Variants in STK33 observed in about 807,000 individuals in gnomAD.
STK33 encodes serine/threonine-protein kinase 33.
A neutral mutation model predicts 58.0 loss-of-function variants in STK33; 52 were observed. The ratio of observed to expected loss-of-function variants is 0.90; its 90% CI spans 0.72 to 1.13. The LOEUF is 1.13. Ranked by LOEUF, STK33 falls within the 50% of genes most tolerant of loss-of-function variation. The pLI is 0.00. For missense variants in STK33, 630 were observed against 604.2 expected, an observed-to-expected ratio of 1.04 and a Z score of -0.45; for synonymous variants, 215 against 200.1, an observed-to-expected ratio of 1.07 and a Z score of -0.63.
chr11:8,526,631 G>A (rs977352472), intron 1 of STK33, among the ~76,000 whole-genome samples: 5 of 151,978 alleles, frequency 3.3e-5, no homozygotes, highest in Admixed American at 6.6e-5. Flanking sequence ...ACAGCTGGAT[G>A]AATACGATGG....
intron 1 of STK33, among the ~76,000 whole-genome samples, chr11:8,518,258 G>C (rs1407449683): frequency 6.6e-6 from 1 of 152,060 alleles, no homozygotes; most frequent in African/African-American, 2.4e-5. Flanking sequence ...ATAAGTGAAG[G>C]AGAAATAAAA....
the STK33 span, among the ~76,000 whole-genome samples, chr11:8,372,280 G>A: frequency 7.3e-6 from 1 of 137,674 alleles, no homozygotes; most frequent in Non-Finnish European, 1.7e-5. Context: ...CACCAATCGG[G>A]CCCTTGTAAG....
intron 1 of STK33, among the ~76,000 whole-genome samples, chr11:8,499,622 G>A (rs1193002294): frequency 2.6e-5 from 4 of 152,128 alleles, no homozygotes; most frequent in Admixed American, 6.5e-5. Context: ...ACATGCACAC[G>A]TAGGTTTATT....
the STK33 span, among the ~76,000 whole-genome samples, chr11:8,335,123 G>T: frequency 6.6e-6 from 1 of 152,230 alleles, no homozygotes; most frequent in East Asian, 1.9e-4. Flanking sequence ...GGCCTTTGGG[G>T]TGGAGACCGC....
At chr11:8,414,570 C>T (rs150783010) in intron 14 of STK33, among the ~76,000 whole-genome samples, 31 of 152,232 alleles carry the variant, frequency 2.0e-4, no homozygotes, top group African/African-American at 7.0e-4. Flanking sequence ...AACTATAAGA[C>T]AGGGTACTTT....
At chr11:8,355,560 C>A in the STK33 span, among the ~76,000 whole-genome samples, 2 of 152,160 alleles carry the variant, frequency 1.3e-5, no homozygotes, top group Non-Finnish European at 2.9e-5. Flanking sequence ...GTGTTCCTTC[C>A]TCTCCTTGTC....
chr11:8,547,759 C>G (rs1375938420), intron 1 of STK33, among the ~76,000 whole-genome samples: 1 of 152,074 alleles, frequency 6.6e-6, no homozygotes, highest in Non-Finnish European at 1.5e-5. Flanking sequence ...CTTTTGTTGC[C>G]TGTGCTTTTG....
chr11:8,494,980 A>C (rs1268996445), intron 1 of STK33, among the ~76,000 whole-genome samples: 16 of 152,184 alleles, frequency 1.1e-4, no homozygotes, highest in Admixed American at 1.0e-3. Flanking sequence ...TAGACCTAAA[A>C]CCATAAAAAC....
intron 1 of STK33, among the ~76,000 whole-genome samples, chr11:8,544,614 G>A (rs1310537764): frequency 6.6e-6 from 1 of 151,600 alleles, no homozygotes; most frequent in African/African-American, 2.4e-5. Flanking sequence ...GTTTTCTATA[G>A]AACCATATAT....
At chr11:8,422,804 C>T (rs1590928571) in intron 14 of STK33, among the ~76,000 whole-genome samples, 1 of 151,896 alleles carries the variant, frequency 6.6e-6, no homozygotes, top group South Asian at 2.1e-4. Context: ...TTCCCTTTTC[C>T]ATATGTAAGA....
At chr11:8,559,576 C>T (rs1956986857) in intron 1 of STK33, among the ~76,000 whole-genome samples, 1 of 152,160 alleles carries the variant, frequency 6.6e-6, no homozygotes, top group Non-Finnish European at 1.5e-5. Context: ...ATTAGTTGAA[C>T]CTACTTGATT....
chr11:8,539,925 A>C (rs1233889021), intron 1 of STK33, among the ~76,000 whole-genome samples: 1 of 152,168 alleles, frequency 6.6e-6, no homozygotes, highest in African/African-American at 2.4e-5. Flanking sequence ...TTATATGATC[A>C]ATTTAGGCCT....
chr11:8,353,002 G>A, the STK33 span, among the ~76,000 whole-genome samples: 1 of 152,306 alleles, frequency 6.6e-6, no homozygotes, highest in East Asian at 1.9e-4. Flanking sequence ...CTGGCCCCGC[G>A]TGCTGCTAGC....
At chr11:8,457,631 T>C in intron 8 of STK33, 152 bp from the exon 9 acceptor site, 5 of 649,240 alleles carry the variant, frequency 7.7e-6, no homozygotes, top group East Asian at 2.8e-5. Context: ...TACTGGATAC[T>C]AGAGAAACAA....
the STK33 span, among the ~76,000 whole-genome samples, chr11:8,344,887 C>T: frequency 1.3e-5 from 2 of 152,208 alleles, no homozygotes; most frequent in African/African-American, 4.8e-5. Flanking sequence ...GCACCATCTC[C>T]AGCCTCCTTG....
chr11:8,371,746 T>C, the STK33 span, among the ~76,000 whole-genome samples: 10 of 75,230 alleles, frequency 1.3e-4, no homozygotes, highest in Non-Finnish European at 2.8e-4. Flanking sequence ...CCTCCCTCCC[T>C]CTCTCCCTCC....
intron 1 of STK33, among the ~76,000 whole-genome samples, chr11:8,526,883 TA>T (rs71059168): frequency 1.1e-4 from 16 of 141,398 alleles, no homozygotes; most frequent in Middle Eastern, 3.7e-3. Context: ...GTTTATATGT[TA>T]AAAAAAAAAG....
chr11:8,336,342 G>A, the STK33 span, among the ~76,000 whole-genome samples: 4 of 152,356 alleles, frequency 2.6e-5, no homozygotes, highest in East Asian at 7.7e-4. Flanking sequence ...GTGGGACAAT[G>A]GCAGCACAAC....
chr11:8,535,750 G>A (rs543185452), intron 1 of STK33, among the ~76,000 whole-genome samples: 1 of 152,154 alleles, frequency 6.6e-6, no homozygotes, highest in African/African-American at 2.4e-5. Flanking sequence ...CTACCCAAAG[G>A]AAAAGAAACC....
Sources: gnomAD v4.1 joint callset for allele counts (sites outside exome capture counted in the v4.1 genomes callset) on GRCh38, gnomAD v4.1.1 for gene constraint, MANE v1.5 for transcripts, NCBI Gene and HGNC (gene_info 2026-07-23, HGNC 2026-07-21) for gene names.